AK8: variants seen among roughly 807,000 people sequenced by gnomAD.
The protein encoded by AK8 is adenylate kinase 8.
In AK8, 44 loss-of-function variants were observed where a neutral mutation model predicts 54.6. The ratio of observed to expected loss-of-function variants is 0.81; its 90% CI spans 0.63 to 1.04. The LOEUF (loss-of-function observed/expected upper bound fraction) is 1.04, where lower values mean the gene tolerates loss of function less well. AK8 is among the 50% of genes least tolerant of loss of function. AK8 has a pLI of 0.00. For missense variants in AK8, 555 were observed against 613.6 expected (o/e 0.90, Z 1.01); for synonymous variants, 239 against 245.6 (o/e 0.97, Z 0.25).
rs1003012141 is a variant in AK8, at chr9:132,800,190, G to A, written c.980-7415C>T. 3.3e-5 allele frequency among the ~76,000 whole-genome samples: 5 copies of A among 152,230 alleles called. 1 individual carries two copies. The highest frequency in any genetic ancestry group is 1.9e-4 in the East Asian group (1 of 5,178). On this transcript the variant is annotated intron_variant, in intron 10 of 12. Coordinates refer to ENST00000298545, the MANE Select transcript of AK8 (RefSeq NM_152572.3). ...CACTCTCGGGATGGCACTGATTCCCGGCAGCTGGGCCTGCAAGCCCGTCTC... is the reference window on the plus strand; with the variant it reads ...CACTCTCGGGATGGCACTGATTCCCAGCAGCTGGGCCTGCAAGCCCGTCTC...
At chr9:132,834,304 C>T (rs1161396576) in intron 5 of AK8, among the ~76,000 whole-genome samples, 1 of 152,158 alleles carries the variant, frequency 6.6e-6, no homozygotes, top group South Asian at 2.1e-4. Flanking sequence ...ATGAGACTAC[C>T]TTGATGAACA....
chr9:132,855,880 G>A (rs1414515731), intron 4 of AK8, among the ~76,000 whole-genome samples: 1 of 152,154 alleles, frequency 6.6e-6, no homozygotes, highest in Non-Finnish European at 1.5e-5. Context: ...TATGGTCTGG[G>A]TGTGCTCAAC....
At chr9:132,867,774 G>A (rs557546705) in intron 2 of AK8, among the ~76,000 whole-genome samples, 20 of 152,362 alleles carry the variant, frequency 1.3e-4, no homozygotes, top group Admixed American at 5.2e-4. Context: ...CCCTCCCTGT[G>A]GGGAGAGAAC....
At chr9:132,841,201 T>A (rs1224834229) in intron 5 of AK8, among the ~76,000 whole-genome samples, 1 of 152,174 alleles carries the variant, frequency 6.6e-6, no homozygotes, top group African/African-American at 2.4e-5. Flanking sequence ...GAGCAGGCTG[T>A]CCACACCAGT....
chr9:132,809,680 C>G (rs1840905411), intron 10 of AK8, among the ~76,000 whole-genome samples: 1 of 152,244 alleles, frequency 6.6e-6, no homozygotes, highest in African/African-American at 2.4e-5. Context: ...CCATTCTATG[C>G]TCTCAGCAAA....
At chr9:132,743,567 C>G (rs1423889180) in intron 11 of AK8, among the ~76,000 whole-genome samples, 1 of 152,230 alleles carries the variant, frequency 6.6e-6, no homozygotes, top group East Asian at 1.9e-4. Context: ...TCTATATAAA[C>G]GTGCTGCAGA....
At chr9:132,823,464 C>T (rs563317827) in intron 8 of AK8, 128 bp from the exon 9 acceptor site, 2 of 1,303,512 alleles carry the variant, frequency 1.5e-6, no homozygotes, top group African/African-American at 1.5e-5. Flanking sequence ...CATGGAAGCC[C>T]TCTGTGCATC....
intron 4 of AK8, among the ~76,000 whole-genome samples, chr9:132,857,251 T>C (rs1395128452): frequency 6.6e-6 from 1 of 152,166 alleles, no homozygotes; most frequent in Non-Finnish European, 1.5e-5. Context: ...GGAGCTCTGA[T>C]TCAGTAGCTC....
In AK8 at chr9:132,767,188, C is replaced by CA. The variant is rs1216755776; in HGVS notation, c.1121+25445dup. Among the ~76,000 whole-genome samples the CA allele has an allele frequency of 1.3e-5, 2 of 152,112 alleles. 1 individual carries two copies. On this transcript the variant is annotated intron_variant, in intron 11 of 12. Transcript: ENST00000298545. Reference sequence around the variant, plus strand: ...CGAAGGAAACAACAGAGTGAAGAGACAACCTATGGAATCAAAGGAAGTATT... The same window carrying CA: ...CGAAGGAAACAACAGAGTGAAGAGACAAACCTATGGAATCAAAGGAAGTATT...
Position 132,791,279 on chromosome 9 carries a change from C to T in AK8, c.1121+1355G>A, listed in dbSNP as rs770511624. 1.3e-5 allele frequency among the ~76,000 whole-genome samples: 2 copies of T among 152,104 alleles called. No individual in the cohort carries two copies. Among genetic ancestry groups the T allele is most frequent in the African/African-American group, 2.4e-5 (1 of 41,398 alleles). On this transcript the variant is annotated intron_variant, in intron 11 of 12. Transcript: ENST00000298545. This position sits in a 1 kb window ranked among gnomAD's most constrained non-coding sequence, Gnocchi z 4.0. Reference sequence around the variant, plus strand: ...GCCACACTTTAAAACCATCAGATCTCGTGAGAACTCATTCACTATCATGAG... The same window carrying T: ...GCCACACTTTAAAACCATCAGATCTTGTGAGAACTCATTCACTATCATGAG...
At chr9:132,726,138 A>G (rs1204768413) in intron 12 of AK8, among the ~76,000 whole-genome samples, 1 of 152,054 alleles carries the variant, frequency 6.6e-6, no homozygotes, top group Non-Finnish European at 1.5e-5. Context: ...CTCAAGGGAG[A>G]GGGAGAGAGA....
chr9:132,729,451 G>A (rs992512494), intron 11 of AK8, among the ~76,000 whole-genome samples: 1 of 152,192 alleles, frequency 6.6e-6, no homozygotes, highest in African/African-American at 2.4e-5. Context: ...AGGTGGGGCT[G>A]GGGATGAGCC....
intron 12 of AK8, 118 bp downstream of exon 12, chr9:132,727,336 G>A (rs957795213): frequency 1.7e-5 from 15 of 908,596 alleles, no homozygotes; most frequent in African/African-American, 1.3e-4. Context: ...TTTGATAATC[G>A]TCCTTCAGTG....
In AK8 at chr9:132,828,741, CAG is replaced by C; in HGVS notation, c.403-17_403-16del. 1.3e-6 allele frequency: 2 copies of C among 1,589,596 alleles called. No individual in the cohort carries two copies. Among genetic ancestry groups the C allele is most frequent in the Non-Finnish European group, 1.7e-6 (2 of 1,161,828 alleles). On this transcript the variant is annotated splice_polypyrimidine_tract_variant and intron_variant, in intron 5 of 12. Coordinates refer to ENST00000298545, the MANE Select transcript of AK8 (RefSeq NM_152572.3). The stretch of plus-strand genomic sequence containing the variant: ...AGAATCCAGCCCTAGACAGAAGATT[CAG>C]AGAGGTGCTCATCTGTTTTGAGTTT...
intron 11 of AK8, among the ~76,000 whole-genome samples, chr9:132,730,585 T>C (rs1281552352): frequency 1.3e-5 from 2 of 152,060 alleles, no homozygotes; most frequent in African/African-American, 4.8e-5. Flanking sequence ...CCTTTGATGG[T>C]GGATGCCTAT....
chr9:132,762,021 C>T (rs1838497681), intron 11 of AK8, among the ~76,000 whole-genome samples: 1 of 152,092 alleles, frequency 6.6e-6, no homozygotes, highest in African/African-American at 2.4e-5. Context: ...AGCTGCATGC[C>T]ACCATACCTG....
At chr9:132,861,597 C>T (rs563560498) in intron 4 of AK8, 1 of 152,288 alleles carries the variant, frequency 6.6e-6, no homozygotes, top group East Asian at 1.9e-4. Flanking sequence ...CTGGGAAATG[C>T]CTAAGATGGA....
intron 5 of AK8, among the ~76,000 whole-genome samples, chr9:132,851,303 T>A (rs1044576354): frequency 6.6e-6 from 1 of 152,244 alleles, no homozygotes; most frequent in Non-Finnish European, 1.5e-5. Context: ...GAGGGGACCC[T>A]TCTCCAGTCC....
intron 11 of AK8, among the ~76,000 whole-genome samples, chr9:132,734,697 C>T (rs963828830): frequency 6.6e-6 from 1 of 152,156 alleles, no homozygotes; most frequent in African/African-American, 2.4e-5. Flanking sequence ...AATCACACCA[C>T]TGTACTCCGG....
Sources: gnomAD v4.1 joint callset for allele counts (sites outside exome capture counted in the v4.1 genomes callset) on GRCh38, gnomAD v4.1.1 for gene constraint, Gnocchi (gnomAD v3.1) non-coding constraint, MANE v1.5 for transcripts, NCBI Gene and HGNC (gene_info 2026-07-23, HGNC 2026-07-21) for gene names.